The following NCAM2 variants were observed in gnomAD, a reference collection of about 807,000 sequenced individuals.
NCAM2 encodes the protein neural cell adhesion molecule 2.
NCAM2 carries 30 observed loss-of-function variants against 98.1 expected under a neutral mutation model. That is an observed-to-expected ratio of 0.31 (90% CI 0.23 to 0.41). The LOEUF is 0.41. Ranked by LOEUF, NCAM2 falls within the 10% of genes least tolerant of loss-of-function variation. The pLI is 1.00. For synonymous variants in NCAM2, 368 were observed against 342.4 expected, an observed-to-expected ratio of 1.07 and a Z score of -0.83; for missense variants, 867 against 1,005.8, an observed-to-expected ratio of 0.86 and a Z score of 1.87.
At chr21:21,528,373 G>C (rs1400378790) in intron 16 of NCAM2, among the ~76,000 whole-genome samples, 2 of 152,112 alleles carry the variant, frequency 1.3e-5, no homozygotes, top group Non-Finnish European at 2.9e-5. Flanking sequence ...GTCAAGGTAG[G>C]TTCATTGATT....
intron 1 of NCAM2, among the ~76,000 whole-genome samples, chr21:21,127,169 A>G (rs2066843840): frequency 6.6e-6 from 1 of 151,984 alleles, no homozygotes; most frequent in Non-Finnish European, 1.5e-5. Context: ...TACATTATTT[A>G]AGCATAAAAT....
intron 5 of NCAM2, among the ~76,000 whole-genome samples, chr21:21,301,802 G>T (rs1396758241): frequency 6.7e-6 from 1 of 150,330 alleles, no homozygotes; most frequent in Non-Finnish European, 1.5e-5. Context: ...GTGGGCGAAG[G>T]ACATGAACAG....
At chr21:21,535,170 G>C (rs546452044) in intron 17 of NCAM2, among the ~76,000 whole-genome samples, 103 of 152,064 alleles carry the variant, frequency 6.8e-4, no homozygotes, top group African/African-American at 2.4e-3. Context: ...CATTCTTGAT[G>C]TTATTTATTT....
chr21:21,132,865 C>G (rs1036536995), intron 1 of NCAM2, among the ~76,000 whole-genome samples: 12 of 152,174 alleles, frequency 7.9e-5, no homozygotes, highest in African/African-American at 2.7e-4. Context: ...ACCCAGCACT[C>G]TAGAATCCTT....
chr21:21,099,183 C>T (rs6518075), intron 1 of NCAM2, among the ~76,000 whole-genome samples: 32,434 of 151,640 alleles, frequency 0.21, 3,972 homozygotes, highest in African/African-American at 0.33. Flanking sequence ...GATCAATAAT[C>T]AGTTTTAGAA....
rs1483062198 is a variant in NCAM2, at chr21:21,331,517, C to CTCTCTCTCTCTCTCTCTCTCTATA, written c.738-3987_738-3986insCTCTCTCTCTCTCTCTCTCTATAT. On this transcript the variant is annotated intron_variant, in intron 6 of 17. Coordinates refer to ENST00000400546, the MANE Select transcript of NCAM2 (RefSeq NM_004540.5). ...TATATATACTCTATACTCTCTCTCT[C>CTCTCTCTCTCTCTCTCTCTCTATA]TATATATATATATATATACTCTATA... Among the ~76,000 whole-genome samples the CTCTCTCTCTCTCTCTCTCTCTATA allele has an allele frequency of 4.3e-4, 3 of 6,938 alleles. 1 individual carries two copies. The highest frequency in any genetic ancestry group is 2.3e-3 in the East Asian group (1 of 444). The allele number at this position is 6,938 out of a possible 152,430, so 4.6% of individuals were successfully genotyped here.
chr21:21,196,939 T>G (rs2069025753), intron 1 of NCAM2, among the ~76,000 whole-genome samples: 1 of 152,056 alleles, frequency 6.6e-6, no homozygotes, highest in Non-Finnish European at 1.5e-5. Flanking sequence ...TGTTTAAAAG[T>G]GTGGAGCACG....
In NCAM2 at chr21:21,430,246, T is replaced by C. The variant is rs984623664; in HGVS notation, c.1481-1862T>C. On this transcript the variant is annotated intron_variant, in intron 11 of 17. Coordinates refer to ENST00000400546, the MANE Select transcript of NCAM2 (RefSeq NM_004540.5). ...TTTCACCATGTTGACCAGGCTGGTC[T>C]CAAACTCCTGACCTCAAGTAATCCG... Among the ~76,000 whole-genome samples the C allele has an allele frequency of 2.0e-5, 3 of 151,830 alleles. No individual in the cohort carries two copies. In the South Asian group the frequency reaches 6.2e-4, roughly 32 times the overall value.
At chr21:21,058,882 T>C (rs1213151703) in intron 1 of NCAM2, among the ~76,000 whole-genome samples, 2 of 152,122 alleles carry the variant, frequency 1.3e-5, no homozygotes, top group Non-Finnish European at 2.9e-5. Context: ...CATGTGAATT[T>C]CTATTAGACT....
At chr21:21,383,826 T>A (rs2076208513) in intron 9 of NCAM2, among the ~76,000 whole-genome samples, 1 of 152,110 alleles carries the variant, frequency 6.6e-6, no homozygotes, top group South Asian at 2.1e-4. Context: ...TTTTTAAAAT[T>A]TATTTTTCAC....
At chr21:21,177,275 C>A (rs1485287195) in intron 1 of NCAM2, among the ~76,000 whole-genome samples, 1 of 151,874 alleles carries the variant, frequency 6.6e-6, no homozygotes, top group East Asian at 1.9e-4. Flanking sequence ...TTGTTATTTT[C>A]TTTTGTATTT....
At chr21:21,046,846 A>G (rs1168423654) in intron 1 of NCAM2, among the ~76,000 whole-genome samples, 1 of 152,336 alleles carries the variant, frequency 6.6e-6, no homozygotes, top group South Asian at 2.1e-4. Flanking sequence ...ATAGTATGAG[A>G]AAAAAGCAGA....
intron 1 of NCAM2, among the ~76,000 whole-genome samples, chr21:21,133,031 A>G (rs13051685): frequency 0.021 from 3,212 of 152,308 alleles, 62 homozygotes; most frequent in Admixed American, 0.051. Flanking sequence ...TACCTATATT[A>G]TGACAGTTAT....
In NCAM2 at chr21:21,335,639, A is replaced by G. The variant is rs750178224; in HGVS notation, c.872A>G (p.Glu291Gly). Residue 291 changes from glutamate (E) to glycine (G), a missense_variant, in exon 7 of 18, where the codon GAA becomes GGA. Glu to Gly is a moderately conservative substitution (Grantham distance 98). Coordinates refer to ENST00000400546, the MANE Select transcript of NCAM2 (RefSeq NM_004540.5). ...CRATNKAGED[E>G]KQAFLQVFVQ... is the part of the protein sequence containing the mutation. The stretch of plus-strand genomic sequence containing the variant: ...GCCACAAATAAGGCAGGAGAAGATG[A>G]AAAGCAAGCTTTCCTCCAAGTCTTT... 2 of 1,607,572 alleles carry G rather than the reference A, an allele frequency of 1.2e-6. No homozygotes were observed. The highest frequency in any genetic ancestry group is 8.5e-7 in the Non-Finnish European group (1 of 1,177,420).
At chr21:21,371,863 G>C (rs897420137) in intron 8 of NCAM2, among the ~76,000 whole-genome samples, 1 of 133,750 alleles carries the variant, frequency 7.5e-6, no homozygotes, top group Non-Finnish European at 1.6e-5. Context: ...ATAAATGCGC[G>C]TGCACACACA....
chr21:21,094,745 GAAGGCTT>G (rs953496542), intron 1 of NCAM2, among the ~76,000 whole-genome samples: 24 of 151,644 alleles, frequency 1.6e-4, no homozygotes, highest in Non-Finnish European at 2.7e-4. Flanking sequence ...GACATTATAG[GAAGGCTT>G]ACATAACGAT....
intron 4 of NCAM2, chr21:21,290,179 A>G (rs1203509826): frequency 2.0e-5 from 3 of 152,062 alleles, no homozygotes; most frequent in South Asian, 2.1e-4. Context: ...AATTTTAAAT[A>G]TATTTTTCCT....
At chr21:21,374,699 A>G (rs909139837) in intron 9 of NCAM2, among the ~76,000 whole-genome samples, 3 of 151,824 alleles carry the variant, frequency 2.0e-5, no homozygotes, top group Admixed American at 6.6e-5. Flanking sequence ...CATTCTCAAT[A>G]AATATTTATG....
intron 3 of NCAM2, among the ~76,000 whole-genome samples, chr21:21,284,774 G>C (rs1286133958): frequency 1.3e-5 from 2 of 151,330 alleles, no homozygotes; most frequent in Non-Finnish European, 3.0e-5. Flanking sequence ...TGACAGCACT[G>C]ACCATTGTAG....
Sources: gnomAD v4.1 joint callset for allele counts (sites outside exome capture counted in the v4.1 genomes callset) on GRCh38, gnomAD v4.1.1 for gene constraint, MANE v1.5 for transcripts, NCBI Gene and HGNC (gene_info 2026-07-23, HGNC 2026-07-21) for gene names.